Variants in ADNP observed in about 807,000 individuals in gnomAD.
ADNP encodes the protein activity dependent neuroprotector homeobox.
In ADNP, 4 loss-of-function variants were observed where a neutral mutation model predicts 84.9. That is an observed-to-expected ratio of 0.05 (90% CI 0.02 to 0.11). The LOEUF (loss-of-function observed/expected upper bound fraction) is 0.11, where lower values mean the gene tolerates loss of function less well. Ranked by LOEUF, ADNP falls within the 10% of genes least tolerant of loss-of-function variation. The pLI is 1.00. For missense variants in ADNP, 1,132 were observed against 1,326.0 expected, an observed-to-expected ratio of 0.85 and a Z score of 2.27; for synonymous variants, 554 against 468.1, an observed-to-expected ratio of 1.18 and a Z score of -2.37.
At position 50,893,343 on chromosome 20, in the gene ADNP, A is replaced by G. The variant is rs774748796; in HGVS notation, c.1371T>C (p.Pro457=). ...CGAAGTGCACACTATAGACATTTTC[A>G]GGAAAAAGCTCATTACAGATTGTAC... The part of the protein sequence containing the change: ...KICTICNELF[P]ENVYSVHFEK... The change falls in exon 6 of 6, where the codon CCT becomes CCC. Residue 457 remains proline, a synonymous_variant. Coordinates refer to ENST00000621696, the MANE Select transcript of ADNP (RefSeq NM_001282531.3). The surrounding 1 kb of genome is among the most constrained non-coding windows in gnomAD (Gnocchi z 4.4). 5 of 1,614,238 alleles carry G rather than the reference A, an allele frequency of 3.1e-6. No individual in the cohort carries two copies. In the South Asian group the frequency reaches 5.5e-5, roughly 18 times the overall value.
chr20:50,902,176 A>G, intron 4 of ADNP, 67 bp from the exon 5 acceptor site: 1 of 1,190,218 alleles, frequency 8.4e-7, no homozygotes, highest in Non-Finnish European at 1.2e-6. Flanking sequence ...CTTACATGTA[A>G]ATCTCACCTC....
rs10716858 is a variant in ADNP at position 50,927,560 on chromosome 20, C to CTT, written c.-90+1089_-90+1090dup. ...CCAGTCTTCAAGCCCAATTGTTTCA[C>CTT]TTTTTTTTTTTTTTTGGTAGAGACA... is the stretch of plus-strand genomic sequence containing the variant. On this transcript the variant is annotated intron_variant, in intron 2 of 5. Transcript: ENST00000621696. 8.0e-3 allele frequency among the ~76,000 whole-genome samples: 1,153 copies of CTT among 144,450 alleles called. 23 individuals carry two copies. The highest frequency in any genetic ancestry group is 0.028 in the African/African-American group (1,097 of 39,282). 94.8% of individuals were successfully genotyped at this position (144,450 alleles called of 152,430 possible).
chr20:50,924,012 C>T (rs1984132610), intron 2 of ADNP, among the ~76,000 whole-genome samples: 1 of 152,154 alleles, frequency 6.6e-6, no homozygotes, highest in Admixed American at 6.5e-5. Context: ...AAAGAGACCA[C>T]TCAAAAGGTT....
In ADNP at chr20:50,891,796, T is replaced by C. The variant is rs1344622174; in HGVS notation, c.2918A>G (p.Glu973Gly). The C allele has an allele frequency of 5.0e-6, 8 of 1,614,088 alleles. No individual in the cohort carries two copies. Among genetic ancestry groups the C allele is most frequent in the East Asian group, 2.2e-5 (1 of 44,900 alleles). The change falls in exon 6 of 6, where the codon GAG (glutamate) becomes GGG (glycine). Residue 973 changes from glutamate to glycine, a missense_variant. Glu to Gly is a moderately conservative substitution (Grantham distance 98). Around this residue, in one of 10 missense-constraint regions of ADNP, gnomAD observed 381 missense variants for 319.9 expected, o/e 1.19. Coordinates refer to ENST00000621696, the MANE Select transcript of ADNP (RefSeq NM_001282531.3). ...VEWKDGASPS[E>G]SGPGSQQVSD... ...CACTTGTTGGGATCCAGGCCCACTC[T>C]CAGATGGAGAAGCACCGTCTTTCCA... is the stretch of plus-strand genomic sequence containing the variant.
chr20:50,903,623 A>C (rs1982198926), intron 4 of ADNP, among the ~76,000 whole-genome samples: 1 of 152,204 alleles, frequency 6.6e-6, no homozygotes, highest in African/African-American at 2.4e-5. Context: ...CTAAGGATTA[A>C]ATGTATAGAC....
intron 2 of ADNP, among the ~76,000 whole-genome samples, chr20:50,923,642 C>T (rs1418723974): frequency 6.6e-6 from 1 of 152,148 alleles, no homozygotes; most frequent in Non-Finnish European, 1.5e-5. Context: ...CTCAGCCTCC[C>T]AAGTAGCTGA....
chr20:50,891,121 A>T lies in ADNP; in HGVS notation c.*284T>A. ...TTTCACAGAGGGAAAGAAATGTTGA[A>T]AAGGCAGATAAAATAAACCTCTGCT... On this transcript the variant is annotated 3_prime_UTR_variant, in exon 6 of 6. Coordinates refer to ENST00000621696, the MANE Select transcript of ADNP (RefSeq NM_001282531.3). 8.3e-7 allele frequency: 1 copy of T among 1,202,292 alleles called. No individual in the cohort carries two copies. Among genetic ancestry groups the T allele is most frequent in the Non-Finnish European group, 1.0e-6 (1 of 968,528 alleles). The allele number at this position is 1,202,292 out of a possible 1,614,324, so 74.5% of individuals were successfully genotyped here.
chr20:50,898,137 T>TA (rs1193177435), intron 5 of ADNP, among the ~76,000 whole-genome samples: 1 of 152,238 alleles, frequency 6.6e-6, no homozygotes, highest in African/African-American at 2.4e-5. Flanking sequence ...TAGAAAGGTT[T>TA]CATCCATATT....
Position 50,893,339 on chromosome 20 carries a change from T to G in ADNP, c.1375A>C (p.Asn459His). The change falls in exon 6 of 6, where the codon AAT becomes CAT. Residue 459 changes from asparagine to histidine, a missense_variant. Physicochemically the swap from Asn to His is moderately conservative, Grantham distance 68. This residue lies in a region of ADNP where 87 missense variants were observed against 181.4 expected (regional missense o/e 0.48). Transcript: ENST00000621696. The surrounding 1 kb of genome is among the most constrained non-coding windows in gnomAD (Gnocchi z 4.4). ...TTTTCGAAGTGCACACTATAGACATTTTCAGGAAAAAGCTCATTACAGATT... is the reference window on the plus strand; with the variant it reads ...TTTTCGAAGTGCACACTATAGACATGTTCAGGAAAAAGCTCATTACAGATT... ...CTICNELFPE[N>H]VYSVHFEKEH... 1 of 1,614,214 alleles carries G rather than the reference T, an allele frequency of 6.2e-7. No individual in the cohort carries two copies. The highest frequency in any genetic ancestry group is 8.5e-7 in the Non-Finnish European group (1 of 1,180,038).
In ADNP at chr20:50,899,758, T is replaced by G. The variant is rs191575809; in HGVS notation, c.201+2259A>C. Among the ~76,000 whole-genome samples, 26 of 150,280 alleles carry G rather than the reference T, an allele frequency of 1.7e-4. No homozygotes were observed. The East Asian group carries it at 5.1e-3, about 29-fold the overall frequency. The stretch of plus-strand genomic sequence containing the variant: ...TGTAGGCCTAGGCTAATTATGTCTG[T>G]GTCTTAGTTTTTAACAACAGTTTAA... On this transcript the variant is annotated intron_variant, in intron 5 of 5. Coordinates refer to ENST00000621696, the MANE Select transcript of ADNP (RefSeq NM_001282531.3).
At chr20:50,899,563 A>T (rs12481137) in intron 5 of ADNP, among the ~76,000 whole-genome samples, 41,756 of 151,434 alleles carry the variant, frequency 0.28, 6,098 homozygotes, top group Non-Finnish European at 0.32. Context: ...TATATTTTTT[A>T]AAAAAAAGTT....
At chr20:50,915,939 T>A (rs1983477201) in intron 2 of ADNP, among the ~76,000 whole-genome samples, 1 of 152,186 alleles carries the variant, frequency 6.6e-6, no homozygotes, top group Non-Finnish European at 1.5e-5. Context: ...TTAATAAAGA[T>A]AAGCAGGCAG....
intron 5 of ADNP, among the ~76,000 whole-genome samples, chr20:50,897,034 C>T (rs1376631181): frequency 2.6e-5 from 4 of 152,182 alleles, no homozygotes; most frequent in South Asian, 2.1e-4. Context: ...CTGCACTTCC[C>T]GGGTTCAAGC....
intron 4 of ADNP, among the ~76,000 whole-genome samples, chr20:50,902,951 T>A: frequency 6.6e-6 from 1 of 152,218 alleles, no homozygotes; most frequent in East Asian, 1.9e-4. Context: ...AAGTCAACTT[T>A]TGAGCAGCTT....
intron 1 of ADNP, among the ~76,000 whole-genome samples, chr20:50,930,376 C>T (rs1398321837): frequency 6.6e-6 from 1 of 152,120 alleles, no homozygotes; most frequent in Non-Finnish European, 1.5e-5. Flanking sequence ...CCCCCCTCCC[C>T]CAGGTAAGGG....
intron 5 of ADNP, among the ~76,000 whole-genome samples, chr20:50,898,186 GCTTAT>G (rs1335582424): frequency 6.6e-6 from 1 of 152,150 alleles, no homozygotes; most frequent in Non-Finnish European, 1.5e-5. Context: ...TCCAGACTCA[GCTTAT>G]CTAGAGTTTC....
At position 50,889,122 on chromosome 20, in the gene ADNP, A is replaced by T. The variant is rs936689769; in HGVS notation, c.*2283T>A. On this transcript the variant is annotated 3_prime_UTR_variant, in exon 6 of 6. Transcript: ENST00000621696. ...TTCCAGTTGGGAATCTTTATTTCCA[A>T]CTCTTAGGGTGGCTAAACCCTTTTC... 5 of 151,568 alleles carry T rather than the reference A, an allele frequency of 3.3e-5. No homozygotes were observed. Among genetic ancestry groups the T allele is most frequent in the African/African-American group, 1.2e-4 (5 of 41,232 alleles). The allele number at this position is 151,568 out of a possible 1,614,324, so 9.4% of individuals were successfully genotyped here.
In ADNP at chr20:50,892,252, C is replaced by G. The variant is rs1287034753; in HGVS notation, c.2462G>C (p.Gly821Ala). The change falls in exon 6 of 6, where the codon GGC (glycine) becomes GCC (alanine). Residue 821 changes from glycine to alanine, a missense_variant. Around this residue, in one of 10 missense-constraint regions of ADNP, gnomAD observed 41 missense variants for 78.4 expected, o/e 0.52. Coordinates refer to ENST00000621696, the MANE Select transcript of ADNP (RefSeq NM_001282531.3). ...CVRDCEKYKP[G>A]VLLGFNMKEL... Reference sequence around the variant, plus strand: ...TTTCATGTTAAACCCCAGCAACACGCCAGGCTTGTACTTTTCACAATCACG... The same window carrying G: ...TTTCATGTTAAACCCCAGCAACACGGCAGGCTTGTACTTTTCACAATCACG... 6.2e-7 allele frequency: 1 copy of G among 1,614,180 alleles called. No individual in the cohort carries two copies. The highest frequency in any genetic ancestry group is 1.1e-5 in the South Asian group (1 of 91,076).
intron 2 of ADNP, among the ~76,000 whole-genome samples, chr20:50,908,014 C>T (rs1600966463): frequency 6.6e-6 from 1 of 152,140 alleles, no homozygotes; most frequent in Non-Finnish European, 1.5e-5. Flanking sequence ...CCATAATCTC[C>T]CTTTCTCCAG....
Sources: gnomAD v4.1 joint callset for allele counts (sites outside exome capture counted in the v4.1 genomes callset) on GRCh38, gnomAD v4.1.1 for gene constraint, gnomAD v4.1.1 regional missense constraint, Gnocchi (gnomAD v3.1) non-coding constraint, MANE v1.5 for transcripts, NCBI Gene and HGNC (gene_info 2026-07-23, HGNC 2026-07-21) for gene names.